Variants in KDM5A observed in about 807,000 individuals in gnomAD.
KDM5A encodes lysine demethylase 5A.
A neutral mutation model predicts 193.5 loss-of-function variants in KDM5A; 42 were observed. The observed-to-expected ratio is 0.22, with a 90% confidence interval of 0.17 to 0.28. The LOEUF (loss-of-function observed/expected upper bound fraction) is 0.28. KDM5A is among the 10% of genes least tolerant of loss of function. The probability of loss-of-function intolerance (pLI) is 1.00; values close to 1 mark genes in which losing one functional copy is unlikely to be tolerated. For missense variants in KDM5A, 1,692 were observed against 2,055.1 expected (o/e 0.82, Z 3.42); for synonymous variants, 796 against 718.1 (o/e 1.11, Z -1.73).
chr12:286,046 G>A, intron 27 of KDM5A: 1 of 412,240 alleles, frequency 2.4e-6, no homozygotes, highest in South Asian at 2.0e-5. Context: ...AAGAAAGGAA[G>A]AGTACAACAA....
intron 10 of KDM5A, among the ~76,000 whole-genome samples, chr12:340,464 G>C (rs1433479981): frequency 1.3e-5 from 2 of 152,078 alleles, no homozygotes; most frequent in African/African-American, 4.8e-5. Context: ...GGGAGGCCAA[G>C]GCGGGCAAAT....
chr12:342,311 T>C lies in KDM5A; in HGVS notation c.1309-7889A>G, dbSNP rs560150317. Reference sequence around the variant, plus strand: ...AGAATCAAAGTAAAGAGAAAAGAAATGAATTACCATCTCAATTCAGCTTTA... The same window carrying C: ...AGAATCAAAGTAAAGAGAAAAGAAACGAATTACCATCTCAATTCAGCTTTA... On this transcript the variant is annotated intron_variant, in intron 10 of 27. Transcript: ENST00000399788. 3.3e-5 allele frequency among the ~76,000 whole-genome samples: 5 copies of C among 152,270 alleles called. No homozygotes were observed. In the South Asian group the frequency reaches 1.0e-3, roughly 32 times the overall value.
intron 19 of KDM5A, among the ~76,000 whole-genome samples, chr12:317,572 T>C (rs983924146): frequency 6.6e-6 from 1 of 152,228 alleles, no homozygotes; most frequent in Non-Finnish European, 1.5e-5. Context: ...AGTTTGCACA[T>C]ATTTGAAACG....
At chr12:378,529 T>A (rs1181496856) in intron 3 of KDM5A, among the ~76,000 whole-genome samples, 3 of 151,178 alleles carry the variant, frequency 2.0e-5, no homozygotes, top group Admixed American at 2.0e-4. Flanking sequence ...CCTCCCAAAC[T>A]GCTGGGATTA....
chr12:384,158 G>T lies in KDM5A; in HGVS notation c.244-5C>A. The T allele has an allele frequency of 6.3e-7, 1 of 1,588,588 alleles. No homozygotes were observed. On this transcript the variant is annotated splice_region_variant and splice_polypyrimidine_tract_variant and intron_variant, in intron 2 of 27. Transcript: ENST00000399788. Reference sequence around the variant, plus strand: ...CAATCTCACTCTGGTCATTGCCTAAGATTATTAAAATACAGAAGAACTAAG... The same window carrying T: ...CAATCTCACTCTGGTCATTGCCTAATATTATTAAAATACAGAAGAACTAAG...
intron 10 of KDM5A, among the ~76,000 whole-genome samples, chr12:342,042 C>G (rs980756573): frequency 2.0e-5 from 3 of 152,036 alleles, no homozygotes; most frequent in Non-Finnish European, 2.9e-5. Context: ...CAACTGTCAG[C>G]TTAGGAAAAA....
intron 25 of KDM5A, among the ~76,000 whole-genome samples, chr12:296,509 A>C (rs955275643): frequency 6.6e-6 from 1 of 152,174 alleles, no homozygotes. Context: ...ACAGACAATA[A>C]TACACAGTTC....
chr12:303,439 A>G (rs1235210482), intron 24 of KDM5A, among the ~76,000 whole-genome samples: 1 of 152,208 alleles, frequency 6.6e-6, no homozygotes, highest in Non-Finnish European at 1.5e-5. Flanking sequence ...GCATGTTCTC[A>G]CTCATAAGTG....
chr12:333,703 G>C, intron 11 of KDM5A, 54 bp from the exon 12 acceptor site: 1 of 1,509,932 alleles, frequency 6.6e-7, no homozygotes, highest in Admixed American at 1.7e-5. Flanking sequence ...AATGAGGCTA[G>C]GGTATCTGAT....
intron 5 of KDM5A, among the ~76,000 whole-genome samples, chr12:359,638 A>G (rs1944269323): frequency 6.6e-6 from 1 of 150,612 alleles, no homozygotes; most frequent in Admixed American, 6.6e-5. Flanking sequence ...GCTACCTGGG[A>G]GGCTGAGGTG....
chr12:305,650 G>A (rs532955337), intron 24 of KDM5A, among the ~76,000 whole-genome samples: 61 of 152,320 alleles, frequency 4.0e-4, no homozygotes, highest in African/African-American at 1.3e-3. Context: ...TGGATTGACT[G>A]TAATCTGGCA....
At chr12:345,612 C>A (rs569541639) in intron 10 of KDM5A, among the ~76,000 whole-genome samples, 3 of 152,304 alleles carry the variant, frequency 2.0e-5, no homozygotes, top group East Asian at 3.9e-4. Context: ...TTAAGAAACT[C>A]AAATCAAAAC....
rs533837621 is a variant in KDM5A, at chr12:337,696, G to A, written c.1309-3274C>T. 4.2e-4 allele frequency among the ~76,000 whole-genome samples: 62 copies of A among 147,206 alleles called. No homozygotes were observed. In the South Asian group the frequency reaches 0.013, roughly 31 times the overall value. On this transcript the variant is annotated intron_variant, in intron 10 of 27. Coordinates refer to ENST00000399788, the MANE Select transcript of KDM5A (RefSeq NM_001042603.3). Reference sequence around the variant, plus strand: ...GTCTCACTGTTGCCAAGGCTGGAATGTAGTGGCACAATCTCAGCTCACTGC... The same window carrying A: ...GTCTCACTGTTGCCAAGGCTGGAATATAGTGGCACAATCTCAGCTCACTGC...
intron 10 of KDM5A, among the ~76,000 whole-genome samples, chr12:339,875 A>AT (rs202004318): frequency 0.13 from 18,556 of 140,760 alleles, 2,124 homozygotes; most frequent in East Asian, 0.41. Context: ...AAGAAGTCTG[A>AT]TTTTTTTTTT....
chr12:282,443 T>C lies in KDM5A; in HGVS notation c.*3013A>G, dbSNP rs17800738. On this transcript the variant is annotated 3_prime_UTR_variant, in exon 28 of 28. Transcript: ENST00000399788. ...CAGGCAAAGCTGGTGTGCAGCAGCT[T>C]AGTGAGGAAGTCATGCATCTACACA... is the stretch of plus-strand genomic sequence containing the variant. 9,652 of 233,052 alleles carry C rather than the reference T, an allele frequency of 0.041. 261 individuals carry two copies. Among genetic ancestry groups the C allele is most frequent in the Non-Finnish European group, 0.057 (6,690 of 117,956 alleles). The allele number at this position is 233,052 out of a possible 1,614,324, so 14.4% of individuals were successfully genotyped here. A position where few individuals can be genotyped will look rare whatever the true frequency, so the allele number is the denominator to read the frequency against.
In KDM5A at chr12:364,610, T is replaced by G. The variant is rs527384756; in HGVS notation, c.537+1324A>C. On this transcript the variant is annotated intron_variant, in intron 4 of 27. Transcript: ENST00000399788. ...ACCATCCTGGCTAACACGGTGAAAC[T>G]CCGTCTCTACTAAAAATACAAAAAA... 7.4e-4 allele frequency among the ~76,000 whole-genome samples: 112 copies of G among 151,220 alleles called. 2 individuals are homozygous for G. In the South Asian group the frequency reaches 0.023, roughly 30 times the overall value.
Position 366,017 on chromosome 12 carries a change from T to A in KDM5A, c.454A>T (p.Lys152Ter). Residue 152 changes from lysine to a stop codon, truncating the protein, a stop_gained, in exon 4 of 28, where the codon AAA becomes TAA. Coordinates refer to ENST00000399788, the MANE Select transcript of KDM5A (RefSeq NM_001042603.3). LOFTEE classifies it high-confidence loss of function. ...GACTTCAAAAGAGACCCAGTTCCTT[T>A]TCCTGGCAGATATCCCAAGCGACTA... ...VGSRLGYLPG[K>*]GTGSLLKSHY... is the part of the protein sequence containing the mutation. The A allele has an allele frequency of 6.2e-7, 1 of 1,614,054 alleles. No homozygotes were observed. Among genetic ancestry groups the A allele is most frequent in the Non-Finnish European group, 8.5e-7 (1 of 1,179,880 alleles).
intron 3 of KDM5A, among the ~76,000 whole-genome samples, chr12:370,862 G>A (rs371418728): frequency 5.3e-5 from 8 of 152,130 alleles, no homozygotes; most frequent in East Asian, 3.8e-4. Context: ...GAGAACATGC[G>A]GTGTTTGGTT....
At chr12:374,459 G>A (rs371110150) in intron 3 of KDM5A, among the ~76,000 whole-genome samples, 4 of 152,090 alleles carry the variant, frequency 2.6e-5, no homozygotes, top group African/African-American at 4.8e-5. Context: ...TTTTGAGCCT[G>A]TGTGTGTCTC....
Sources: gnomAD v4.1 joint callset for allele counts (sites outside exome capture counted in the v4.1 genomes callset) on GRCh38, gnomAD v4.1.1 for gene constraint, MANE v1.5 for transcripts, NCBI Gene and HGNC (gene_info 2026-07-23, HGNC 2026-07-21) for gene names.